The following ELAVL2 variants were observed in gnomAD, a reference collection of about 807,000 sequenced individuals.
ELAVL2 encodes the protein ELAV-like protein 2.
In ELAVL2, 4 loss-of-function variants were observed where a neutral mutation model predicts 34.6. The observed-to-expected ratio is 0.12, with a 90% confidence interval of 0.06 to 0.26. The LOEUF (loss-of-function observed/expected upper bound fraction) is 0.26, where lower values mean the gene tolerates loss of function less well. Ranked by LOEUF, ELAVL2 falls within the 10% of genes least tolerant of loss-of-function variation. The pLI is 1.00. For synonymous variants in ELAVL2, 193 were observed against 154.8 expected (o/e 1.25, Z -1.83); for missense variants, 432 against 442.8 (o/e 0.98, Z 0.22).
chr9:23,731,768 A>G (rs906856404), intron 2 of ELAVL2, among the ~76,000 whole-genome samples: 1 of 152,202 alleles, frequency 6.6e-6, no homozygotes, highest in Non-Finnish European at 1.5e-5. Flanking sequence ...CAGGGATGAC[A>G]TCGAAGACAA....
intron 1 of ELAVL2, among the ~76,000 whole-genome samples, chr9:23,786,471 T>C (rs901646183): frequency 1.5e-4 from 23 of 152,024 alleles, no homozygotes. Context: ...ATCAGAAGAA[T>C]AACAATGAAA....
chr9:23,764,818 G>C (rs534705367), intron 1 of ELAVL2, among the ~76,000 whole-genome samples: 30 of 152,230 alleles, frequency 2.0e-4, no homozygotes, highest in Non-Finnish European at 5.9e-5. Flanking sequence ...GCATGGTTCT[G>C]ATGCTACATA....
intron 3 of ELAVL2, among the ~76,000 whole-genome samples, chr9:23,714,280 G>A (rs1205498167): frequency 6.6e-6 from 1 of 152,172 alleles, no homozygotes; most frequent in Non-Finnish European, 1.5e-5. Flanking sequence ...ATGACACAGA[G>A]GAGGAGACGT....
At chr9:23,848,462 T>G in the ELAVL2 span, among the ~76,000 whole-genome samples, 1 of 152,220 alleles carries the variant, frequency 6.6e-6, no homozygotes, top group Non-Finnish European at 1.5e-5. Flanking sequence ...TTAAGGATGG[T>G]TATTGCAAAC....
intron 2 of ELAVL2, among the ~76,000 whole-genome samples, chr9:23,738,840 C>G (rs2048486272): frequency 6.6e-6 from 1 of 152,080 alleles, no homozygotes; most frequent in Non-Finnish European, 1.5e-5. Flanking sequence ...ATTTTCCCTT[C>G]AAGTTAATTT....
intron 1 of ELAVL2, among the ~76,000 whole-genome samples, chr9:23,821,036 C>G (rs1342120352): frequency 3.9e-5 from 6 of 152,218 alleles, no homozygotes; most frequent in Admixed American, 3.3e-4. Context: ...CCAAACGCCC[C>G]GAGAGCTCCA....
chr9:23,842,455 A>G, the ELAVL2 span, among the ~76,000 whole-genome samples: 7 of 152,132 alleles, frequency 4.6e-5, no homozygotes, highest in African/African-American at 1.2e-4. Context: ...CTGAGAATCT[A>G]CTTTCTGACT....
intron 1 of ELAVL2, among the ~76,000 whole-genome samples, chr9:23,815,869 A>T (rs533599571): frequency 6.6e-6 from 1 of 152,304 alleles, no homozygotes; most frequent in East Asian, 1.9e-4. Flanking sequence ...TTACAAAAAC[A>T]GAATGGATTT....
chr9:23,701,253 A>C, intron 5 of ELAVL2, 126 bp downstream of exon 5: 1 of 983,836 alleles, frequency 1.0e-6, no homozygotes, highest in Non-Finnish European at 1.5e-6. Flanking sequence ...TGAAAAATTA[A>C]TAGTAATAAA....
chr9:23,734,263 C>A (rs1564157445), intron 2 of ELAVL2, among the ~76,000 whole-genome samples: 1 of 152,094 alleles, frequency 6.6e-6, no homozygotes, highest in Non-Finnish European at 1.5e-5. Context: ...TTAAGGGTAT[C>A]GCAGATGATA....
intron 1 of ELAVL2, among the ~76,000 whole-genome samples, chr9:23,775,082 G>T (rs1173440041): frequency 6.6e-6 from 1 of 152,100 alleles, no homozygotes; most frequent in Non-Finnish European, 1.5e-5. Flanking sequence ...ACTTTCCGTG[G>T]GATTTGAGTA....
intron 3 of ELAVL2, among the ~76,000 whole-genome samples, chr9:23,705,755 T>TG (rs2039119886): frequency 6.6e-6 from 1 of 152,172 alleles, no homozygotes; most frequent in Non-Finnish European, 1.5e-5. Context: ...AGGTGGAGCT[T>TG]GGGCAATAAT....
chr9:23,709,646 A>G (rs1460491022), intron 3 of ELAVL2, among the ~76,000 whole-genome samples: 2 of 152,214 alleles, frequency 1.3e-5, no homozygotes, highest in East Asian at 3.8e-4. Context: ...GACTTCCAGC[A>G]TATGTCCTAC....
upstream of ELAVL2, among the ~76,000 whole-genome samples, chr9:23,828,433 A>AG (rs1435322059): frequency 6.7e-6 from 1 of 148,630 alleles, no homozygotes; most frequent in Non-Finnish European, 1.5e-5. Flanking sequence ...TTATATCCAC[A>AG]AAAAAAGACT....
At chr9:23,758,352 C>G (rs2054081593) in intron 2 of ELAVL2, among the ~76,000 whole-genome samples, 1 of 151,938 alleles carries the variant, frequency 6.6e-6, no homozygotes, top group South Asian at 2.1e-4. Context: ...ATTTTCTAGA[C>G]TATTTTACTC....
At chr9:23,718,111 A>C (rs1032176193) in intron 3 of ELAVL2, among the ~76,000 whole-genome samples, 4 of 152,154 alleles carry the variant, frequency 2.6e-5, no homozygotes, top group Non-Finnish European at 4.4e-5. Flanking sequence ...TAAAGCCCTA[A>C]GGGGTGGGAA....
chr9:23,715,142 A>G (rs1026549936), intron 3 of ELAVL2, among the ~76,000 whole-genome samples: 14 of 152,172 alleles, frequency 9.2e-5, no homozygotes, highest in Admixed American at 3.9e-4. Flanking sequence ...TTGAACGTAT[A>G]CATTCCATGG....
At chr9:23,762,439 C>T (rs1022040426) in intron 1 of ELAVL2, among the ~76,000 whole-genome samples, 190 bp from the exon 2 acceptor site, 1 of 152,086 alleles carries the variant, frequency 6.6e-6, no homozygotes, top group African/African-American at 2.4e-5. Flanking sequence ...AAGGTTACAA[C>T]TATATTTTCA....
At chr9:23,752,655 A>G (rs1317025363) in intron 2 of ELAVL2, among the ~76,000 whole-genome samples, 1 of 152,020 alleles carries the variant, frequency 6.6e-6, no homozygotes, top group Non-Finnish European at 1.5e-5. Context: ...GGGTTTCACC[A>G]TGTTGGCCAG....
Sources: allele counts gnomAD v4.1 joint callset (sites outside exome capture counted in the v4.1 genomes callset), GRCh38; gene constraint gnomAD v4.1.1; transcripts MANE v1.5; gene names NCBI Gene and HGNC (gene_info 2026-07-23, HGNC 2026-07-21).